The following TTC28 variants were observed in gnomAD, a reference collection of about 807,000 sequenced individuals.
TTC28 encodes tetratricopeptide repeat domain 28.
A neutral mutation model predicts 198.0 loss-of-function variants in TTC28; 61 were observed. The ratio of observed to expected loss-of-function variants is 0.31; its 90% CI spans 0.25 to 0.38. TTC28 has a LOEUF of 0.38. Ranked by LOEUF, TTC28 falls within the 10% of genes least tolerant of loss-of-function variation. TTC28 has a pLI of 1.00. For synonymous variants in TTC28, 1,171 were observed against 1,297.8 expected, an observed-to-expected ratio of 0.90 and a Z score of 2.10; for missense variants, 2,678 against 3,164.0, an observed-to-expected ratio of 0.85 and a Z score of 3.69.
intron 2 of TTC28, among the ~76,000 whole-genome samples, chr22:28,495,910 C>A (rs1014466734): frequency 1.3e-5 from 2 of 152,086 alleles, no homozygotes; most frequent in African/African-American, 2.4e-5. Flanking sequence ...ACTTTCACCC[C>A]GCCACTCCAC....
intron 2 of TTC28, among the ~76,000 whole-genome samples, chr22:28,378,345 C>CA (rs134525): frequency 0.32 from 24,134 of 75,426 alleles, 2,593 homozygotes; most frequent in South Asian, 0.37. Context: ...GACTCTGTCT[C>CA]AAAAAAAAAA....
intron 2 of TTC28, among the ~76,000 whole-genome samples, chr22:28,527,630 A>G (rs930924836): frequency 3.3e-5 from 5 of 152,164 alleles, no homozygotes; most frequent in African/African-American, 1.2e-4. Flanking sequence ...AGATACACTT[A>G]TATAATATAC....
intron 2 of TTC28, among the ~76,000 whole-genome samples, chr22:28,378,454 G>GT (rs748221839): frequency 1.3e-5 from 2 of 151,532 alleles, no homozygotes; most frequent in South Asian, 4.2e-4. Flanking sequence ...GAGCCCAGGA[G>GT]TTTGAGACCA....
chr22:28,594,241 G>A (rs895372385), intron 2 of TTC28, among the ~76,000 whole-genome samples: 56 of 148,650 alleles, frequency 3.8e-4, no homozygotes, highest in African/African-American at 1.3e-3. Context: ...ATAAATAATC[G>A]TTTATTAATA....
chr22:28,208,132 CAAG>C (rs1329244267), intron 5 of TTC28, among the ~76,000 whole-genome samples: 1 of 152,102 alleles, frequency 6.6e-6, no homozygotes, highest in Non-Finnish European at 1.5e-5. Context: ...CAAAATGCTG[CAAG>C]GTGCTTGAAT....
At chr22:28,099,071 C>A in intron 9 of TTC28, 27 bp from the exon 10 acceptor site, 1 of 1,551,382 alleles carries the variant, frequency 6.4e-7, no homozygotes, top group East Asian at 2.4e-5. Flanking sequence ...AGAACATCAT[C>A]CATTCCCCAG....
chr22:27,992,037 G>A (rs1293986620), intron 19 of TTC28, among the ~76,000 whole-genome samples: 1 of 152,170 alleles, frequency 6.6e-6, no homozygotes, highest in African/African-American at 2.4e-5. Context: ...CTGGTGGCTT[G>A]GGGAGGGTGG....
Position 28,488,056 on chromosome 22 carries a change from T to G in TTC28, c.381+141496A>C, listed in dbSNP as rs1289562865. On this transcript the variant is annotated intron_variant, in intron 2 of 22. Coordinates refer to ENST00000397906, the MANE Select transcript of TTC28 (RefSeq NM_001145418.2). ...TCTAATTATGTGCTTGCTTAGAAAT[T>G]CCAGGGGCTAATTTTGAAACAATCC... is the stretch of plus-strand genomic sequence containing the variant. Among the ~76,000 whole-genome samples, 7 of 152,258 alleles carry G rather than the reference T, an allele frequency of 4.6e-5. No individual in the cohort carries two copies. The East Asian group carries it at 1.4e-3, about 29-fold the overall frequency.
At chr22:28,458,338 T>C (rs1160626789) in intron 2 of TTC28, among the ~76,000 whole-genome samples, 4 of 152,174 alleles carry the variant, frequency 2.6e-5, no homozygotes, top group Non-Finnish European at 5.9e-5. Context: ...CTTAAGAAAG[T>C]ATATTTTACC....
At chr22:28,607,835 C>G (rs1257941112) in intron 2 of TTC28, among the ~76,000 whole-genome samples, 1 of 152,206 alleles carries the variant, frequency 6.6e-6, no homozygotes, top group East Asian at 1.9e-4. Flanking sequence ...CAGGTTCTCT[C>G]TATTTCTACC....
At chr22:28,341,206 G>A (rs1210276596) in intron 2 of TTC28, among the ~76,000 whole-genome samples, 1 of 152,178 alleles carries the variant, frequency 6.6e-6, no homozygotes, top group Non-Finnish European at 1.5e-5. Context: ...GGCAATTGGA[G>A]ACAAATATAT....
intron 2 of TTC28, among the ~76,000 whole-genome samples, chr22:28,533,730 A>G (rs549212698): frequency 1.3e-5 from 2 of 152,250 alleles, no homozygotes; most frequent in East Asian, 1.9e-4. Context: ...CAATGGAACA[A>G]AACAGAGCCC....
At chr22:28,263,004 G>A (rs976343479) in intron 5 of TTC28, among the ~76,000 whole-genome samples, 1 of 152,086 alleles carries the variant, frequency 6.6e-6, no homozygotes, top group South Asian at 2.1e-4. Flanking sequence ...CCAACAAGAG[G>A]AGACCAAGCA....
At chr22:28,168,873 G>A (rs1269761836) in intron 5 of TTC28, among the ~76,000 whole-genome samples, 1 of 152,166 alleles carries the variant, frequency 6.6e-6, no homozygotes, top group Non-Finnish European at 1.5e-5. Flanking sequence ...ACTACCATCA[G>A]AGTGAACAGG....
In TTC28 at chr22:27,993,356, C is replaced by T. The variant is rs1937483445; in HGVS notation, c.5407G>A (p.Val1803Ile). The T allele has an allele frequency of 6.4e-7, 1 of 1,550,682 alleles. No individual in the cohort carries two copies. The highest frequency in any genetic ancestry group is 8.7e-7 in the Non-Finnish European group (1 of 1,146,966). Reference sequence around the variant, plus strand: ...CCCGGGTCGGAGGTTGGGAAGAAGACAGCCGCTGGCAGGCCACTGGTTGGG... The same window carrying T: ...CCCGGGTCGGAGGTTGGGAAGAAGATAGCCGCTGGCAGGCCACTGGTTGGG... Reference protein sequence around the residue: ...DPPTSGLPAAVFFPTSDPGDR... With the variant: ...DPPTSGLPAAIFFPTSDPGDR... Residue 1803 changes from valine (V) to isoleucine (I), a missense_variant, in exon 18 of 23, where the codon GTC (valine) becomes ATC (isoleucine). By Grantham distance (29) the Val-to-Ile change is conservative. Around this residue, in one of 8 missense-constraint regions of TTC28, gnomAD observed 314 missense variants for 442.7 expected, o/e 0.71. Coordinates refer to ENST00000397906, the MANE Select transcript of TTC28 (RefSeq NM_001145418.2).
chr22:28,501,816 C>T (rs551209379), intron 2 of TTC28, among the ~76,000 whole-genome samples: 54 of 152,178 alleles, frequency 3.5e-4, no homozygotes, highest in African/African-American at 1.3e-3. Context: ...ATTCTTTTTG[C>T]TTTTTAAACA....
Position 27,990,014 on chromosome 22 carries a change from A to G in TTC28, c.5578-7T>C. Reference sequence around the variant, plus strand: ...GAACCAGCACCTGGTGGAGCTGAGGAAGGGGGGACAGCGTGAGCACCCTGT... The same window carrying G: ...GAACCAGCACCTGGTGGAGCTGAGGGAGGGGGGACAGCGTGAGCACCCTGT... On this transcript the variant is annotated splice_region_variant and splice_polypyrimidine_tract_variant and intron_variant, in intron 20 of 22. Coordinates refer to ENST00000397906, the MANE Select transcript of TTC28 (RefSeq NM_001145418.2). The G allele has an allele frequency of 6.5e-7, 1 of 1,549,512 alleles. No individual in the cohort carries two copies. The highest frequency in any genetic ancestry group is 1.2e-5 in the South Asian group (1 of 83,992).
intron 2 of TTC28, among the ~76,000 whole-genome samples, chr22:28,346,538 A>G (rs934969472): frequency 2.0e-5 from 3 of 152,226 alleles, no homozygotes; most frequent in African/African-American, 7.2e-5. Context: ...AATACCAGGG[A>G]AAGATCCAAA....
Position 28,014,387 on chromosome 22 carries a change from C to G in TTC28, c.4079G>C (p.Cys1360Ser). 5.2e-6 allele frequency: 8 copies of G among 1,549,422 alleles called. No individual in the cohort carries two copies. Among genetic ancestry groups the G allele is most frequent in the Non-Finnish European group, 7.0e-6 (8 of 1,145,918 alleles). The change falls in exon 14 of 23, where the codon TGC becomes TCC. Residue 1360 changes from cysteine (C) to serine (S), a missense_variant. Physicochemically the swap from Cys to Ser is moderately radical, Grantham distance 112 (BLOSUM62 -1). Around this residue, in one of 8 missense-constraint regions of TTC28, gnomAD observed 727 missense variants for 861.9 expected, o/e 0.84. Transcript: ENST00000397906. ...ACTGAACAGGCTCGTCATGCTCTGG[C>G]AGCTCCTGGGGAGGGAAGGGCCGAG... ...VRRNNLFNRS[C>S]QSMTSLFSNT...
Sources: allele counts gnomAD v4.1 joint callset (sites outside exome capture counted in the v4.1 genomes callset), GRCh38; gene constraint gnomAD v4.1.1; regional missense constraint gnomAD v4.1.1; transcripts MANE v1.5; gene names NCBI Gene and HGNC (gene_info 2026-07-23, HGNC 2026-07-21).